The following PRR5L variants were observed in gnomAD, a reference collection of about 807,000 sequenced individuals.
PRR5L encodes the protein proline-rich protein 5-like.
In PRR5L, 21 loss-of-function variants were observed where a neutral mutation model predicts 36.4. The observed-to-expected ratio is 0.58, with a 90% CI of 0.41 to 0.83. PRR5L has a LOEUF of 0.83. PRR5L is among the 40% of genes least tolerant of loss of function. The pLI is 0.00. For missense variants in PRR5L, 381 were observed against 473.3 expected (o/e 0.80, Z 1.81); for synonymous variants, 188 against 197.0 (o/e 0.95, Z 0.38).
At position 36,414,907 on chromosome 11, in the gene PRR5L, T is replaced by C. The variant is rs938175638; in HGVS notation, c.246-4348T>C. Among the ~76,000 whole-genome samples the C allele has an allele frequency of 8.8e-4, 124 of 140,960 alleles. 3 individuals are homozygous for C. The highest frequency in any genetic ancestry group is 3.1e-3 in the African/African-American group (115 of 36,714). 92.5% of individuals were successfully genotyped at this position (140,960 alleles called of 152,430 possible). ...TTTTGTATAAGGTGTAAGGAAGGGA[T>C]CCAGTTTCAGCTTTCTACATATGGC... On this transcript the variant is annotated intron_variant, in intron 3 of 8. Coordinates refer to ENST00000530639, the MANE Select transcript of PRR5L (RefSeq NM_001160167.2).
intron 1 of PRR5L, among the ~76,000 whole-genome samples, chr11:36,296,887 C>T (rs1049021841): frequency 4.6e-5 from 7 of 152,162 alleles, no homozygotes; most frequent in South Asian, 2.1e-4. Context: ...CTAGAATCTG[C>T]GCTTTTCGTC....
chr11:36,383,175 C>T (rs1857399989), intron 1 of PRR5L, among the ~76,000 whole-genome samples: 1 of 152,192 alleles, frequency 6.6e-6, no homozygotes, highest in African/African-American at 2.4e-5. Context: ...GAGGAAGAGC[C>T]TTAGGAACTA....
intron 1 of PRR5L, among the ~76,000 whole-genome samples, chr11:36,316,966 G>A (rs921249497): frequency 1.3e-5 from 2 of 152,176 alleles, no homozygotes; most frequent in African/African-American, 4.8e-5. Context: ...GCAAGATGGA[G>A]TCAATTAGGT....
intron 8 of PRR5L, among the ~76,000 whole-genome samples, chr11:36,454,331 C>T (rs1859004568): frequency 6.6e-6 from 1 of 152,126 alleles, no homozygotes; most frequent in Non-Finnish European, 1.5e-5. Flanking sequence ...ACAGCAGTGC[C>T]CATCCTGACT....
rs147017495 is a variant in PRR5L, at chr11:36,446,552, T to TTAC, written c.585+118_585+120dup. 7,710 of 1,275,550 alleles carry TTAC rather than the reference T, an allele frequency of 6.0e-3. 207 individuals carry two copies. The African/African-American group carries it at 0.075, about 12-fold the overall frequency. The allele number at this position is 1,275,550 out of a possible 1,614,324, so 79.0% of individuals were successfully genotyped here. A position where few individuals can be genotyped will look rare whatever the true frequency, so the allele number is the denominator to read the frequency against. ...AGTGACCAGAGCACCTTAGCTTGGC[T>TTAC]TACTACTATTTAGTTTGTTGGCCCG... On this transcript the variant is annotated intron_variant, in intron 7 of 8. Transcript: ENST00000530639.
chr11:36,336,493 G>A (rs1412498178), intron 1 of PRR5L, among the ~76,000 whole-genome samples: 2 of 147,662 alleles, frequency 1.4e-5, no homozygotes, highest in African/African-American at 5.0e-5. Flanking sequence ...GCCTCCCAAA[G>A]TGCTGGGATT....
chr11:36,344,844 T>C lies in PRR5L; in HGVS notation c.-126+48406T>C, dbSNP rs1163752276. ...ACCAGTAAGGAAGGGGCAGCACAAA[T>C]ACCCATGGAGCTCCTCCTTGACTAT... On this transcript the variant is annotated intron_variant, in intron 1 of 8. Coordinates refer to ENST00000530639, the MANE Select transcript of PRR5L (RefSeq NM_001160167.2). The surrounding 1 kb of genome is among the most constrained non-coding windows in gnomAD (Gnocchi z 4.1). Among the ~76,000 whole-genome samples, 1 of 152,196 alleles carries C rather than the reference T, an allele frequency of 6.6e-6. No homozygotes were observed. Among genetic ancestry groups the C allele is most frequent in the African/African-American group, 2.4e-5 (1 of 41,450 alleles).
intron 3 of PRR5L, among the ~76,000 whole-genome samples, chr11:36,408,908 G>A (rs1309314526): frequency 6.6e-6 from 1 of 152,132 alleles, no homozygotes; most frequent in East Asian, 1.9e-4. Context: ...TCGAAGCAGG[G>A]GCCATTGATT....
intron 1 of PRR5L, among the ~76,000 whole-genome samples, chr11:36,326,446 C>A (rs7117551): frequency 0.096 from 14,555 of 151,882 alleles, 1,266 homozygotes; most frequent in African/African-American, 0.24. Context: ...CAGTTTTCTC[C>A]AAAAAAATCT....
At chr11:36,420,502 G>A (rs1036971681) in intron 4 of PRR5L, among the ~76,000 whole-genome samples, 1 of 152,122 alleles carries the variant, frequency 6.6e-6, no homozygotes, top group Admixed American at 6.5e-5. Context: ...TAGGGTTGTC[G>A]TGAAGACTAA....
At chr11:36,401,351 G>A (rs762534222) in intron 2 of PRR5L, 66 bp downstream of exon 2, 72 of 1,480,672 alleles carry the variant, frequency 4.9e-5, no homozygotes, top group Non-Finnish European at 6.3e-5. Context: ...GGAGGCATCC[G>A]GGGGCTGACT....
At chr11:36,432,580 CTT>C in intron 5 of PRR5L, among the ~76,000 whole-genome samples, 1 of 152,230 alleles carries the variant, frequency 6.6e-6, no homozygotes. Flanking sequence ...TCTTGGGTGA[CTT>C]TTGGTTAGTT....
intron 1 of PRR5L, among the ~76,000 whole-genome samples, chr11:36,362,944 C>T (rs1271499363): frequency 6.6e-6 from 1 of 152,022 alleles, no homozygotes; most frequent in Non-Finnish European, 1.5e-5. Context: ...CTGGCTCCTG[C>T]AGGGGAAGTG....
intron 1 of PRR5L, among the ~76,000 whole-genome samples, chr11:36,347,843 A>G (rs372264778): frequency 3.3e-5 from 5 of 152,068 alleles, no homozygotes; most frequent in African/African-American, 9.6e-5. Context: ...GGAGGGGGAA[A>G]AAAGTTCCTA....
At chr11:36,410,991 T>TG (rs1858014754) in intron 3 of PRR5L, among the ~76,000 whole-genome samples, 1 of 152,196 alleles carries the variant, frequency 6.6e-6, no homozygotes, top group East Asian at 1.9e-4. Context: ...CCAGAGAACT[T>TG]GGGGCAAACC....
In PRR5L at chr11:36,410,565, G is replaced by C. The variant is rs567945029; in HGVS notation, c.245+7187G>C. 3.9e-5 allele frequency among the ~76,000 whole-genome samples: 6 copies of C among 152,320 alleles called. No homozygotes were observed. The South Asian group carries it at 1.2e-3, about 32-fold the overall frequency. On this transcript the variant is annotated intron_variant, in intron 3 of 8. Coordinates refer to ENST00000530639, the MANE Select transcript of PRR5L (RefSeq NM_001160167.2). ...CCTGTGAGGCTGTTGGAGAATTTGA[G>C]ATTCTGTGTGCAGACTGCCGAGCAT...
At chr11:36,403,428 G>T in intron 3 of PRR5L, 50 bp downstream of exon 3, 2 of 1,444,114 alleles carry the variant, frequency 1.4e-6, no homozygotes, top group South Asian at 2.3e-5. Context: ...AACCTGAGCA[G>T]GGGCATAGGG....
chr11:36,350,954 A>C (rs1002439223), intron 1 of PRR5L, among the ~76,000 whole-genome samples: 2 of 13,994 alleles, frequency 1.4e-4, no homozygotes, highest in East Asian at 6.6e-3. Context: ...ATATATATTT[A>C]TATATATTTA....
intron 1 of PRR5L, chr11:36,376,001 T>C (rs1590500282): frequency 6.9e-6 from 3 of 435,356 alleles, no homozygotes; most frequent in East Asian, 1.5e-4. Flanking sequence ...CAGTTTCCCA[T>C]TGCGGGGCAG....
Sources: allele counts gnomAD v4.1 joint callset (sites outside exome capture counted in the v4.1 genomes callset), GRCh38; gene constraint gnomAD v4.1.1; non-coding constraint Gnocchi (gnomAD v3.1); transcripts MANE v1.5; gene names NCBI Gene and HGNC (gene_info 2026-07-23, HGNC 2026-07-21).